ADAMTS3: variants seen among roughly 807,000 people sequenced by gnomAD.
The protein encoded by ADAMTS3 is ADAM metallopeptidase with thrombospondin type 1 motif 3.
In ADAMTS3, 73 loss-of-function variants were observed where a neutral mutation model predicts 129.0. That is an observed-to-expected ratio of 0.57 (90% confidence interval 0.47 to 0.69). ADAMTS3 has a LOEUF of 0.69. Ranked by LOEUF, ADAMTS3 falls within the 30% of genes least tolerant of loss-of-function variation. The probability of loss-of-function intolerance (pLI) is 0.00; values close to 1 mark genes in which losing one functional copy is unlikely to be tolerated. For synonymous variants in ADAMTS3, 477 were observed against 510.8 expected (o/e 0.93, Z 0.89); for missense variants, 1,457 against 1,514.5 (o/e 0.96, Z 0.63).
At chr4:72,336,410 G>C (rs1028250277) in intron 5 of ADAMTS3, among the ~76,000 whole-genome samples, 1 of 152,194 alleles carries the variant, frequency 6.6e-6, no homozygotes, top group African/African-American at 2.4e-5. Context: ...AACATCGTTA[G>C]AGAAAAACTG....
Position 72,339,580 on chromosome 4 carries a change from C to T in ADAMTS3, c.775G>A (p.Glu259Lys), listed in dbSNP as rs1017254734. 13 of 1,613,814 alleles carry T rather than the reference C, an allele frequency of 8.1e-6. No individual in the cohort carries two copies. Among genetic ancestry groups the T allele is most frequent in the Admixed American group, 1.7e-5 (1 of 59,968 alleles). Residue 259 changes from glutamate (E) to lysine (K), a missense_variant, in exon 5 of 22, where the codon GAG becomes AAG. Coordinates refer to ENST00000286657, the MANE Select transcript of ADAMTS3 (RefSeq NM_014243.3). The part of the protein sequence containing the change: ...RHAGENDYNI[E>K]VLLGVDDSVV... ...GAGTCATCCACTCCCAGCAGTACCTCGATATTGTAATCGTTTTCTCCCGCG... is the reference window on the plus strand; with the variant it reads ...GAGTCATCCACTCCCAGCAGTACCTTGATATTGTAATCGTTTTCTCCCGCG...
At chr4:72,564,895 G>C (rs184032240) in intron 2 of ADAMTS3, among the ~76,000 whole-genome samples, 2 of 152,276 alleles carry the variant, frequency 1.3e-5, no homozygotes, top group African/African-American at 4.8e-5. Context: ...GTTACAAAGA[G>C]CATGAAAAAC....
Position 72,414,896 on chromosome 4 carries a change from T to C in ADAMTS3, c.580A>G (p.Lys194Glu). Reference sequence around the variant, plus strand: ...TTGTAGACAACATGAATCCTTCCTTTTTCTTCCTCCATCTGTTTACCTCTT... The same window carrying C: ...TTGTAGACAACATGAATCCTTCCTTCTTCTTCCTCCATCTGTTTACCTCTT... ...LERGKQMEEE[K>E]GRIHVVYKRS... The change falls in exon 4 of 22, where the codon AAA becomes GAA. Residue 194 changes from lysine (K) to glutamate (E), a missense_variant. By Grantham distance (56) the Lys-to-Glu change is moderately conservative. Transcript: ENST00000286657. The C allele has an allele frequency of 6.3e-7, 1 of 1,585,686 alleles. No homozygotes were observed. The highest frequency in any genetic ancestry group is 8.6e-7 in the Non-Finnish European group (1 of 1,167,660).
intron 4 of ADAMTS3, among the ~76,000 whole-genome samples, chr4:72,409,841 A>G (rs1286603283): frequency 3.3e-5 from 5 of 152,204 alleles, no homozygotes. Flanking sequence ...AAAACTAACC[A>G]GACAACAGAT....
chr4:72,480,819 GA>G (rs918808017), intron 3 of ADAMTS3, among the ~76,000 whole-genome samples: 53 of 149,142 alleles, frequency 3.6e-4, no homozygotes, highest in African/African-American at 1.2e-3. Flanking sequence ...AAATCTCAAG[GA>G]ACTCATTAAA....
intron 3 of ADAMTS3, among the ~76,000 whole-genome samples, chr4:72,422,277 T>G (rs1560509892): frequency 6.6e-6 from 1 of 151,990 alleles, no homozygotes; most frequent in Non-Finnish European, 1.5e-5. Context: ...CTCAATTAAT[T>G]GGCATACAAT....
chr4:72,323,156 G>T, intron 5 of ADAMTS3, 59 bp from the exon 6 acceptor site: 6 of 1,327,870 alleles, frequency 4.5e-6, no homozygotes, highest in Non-Finnish European at 6.5e-6. Flanking sequence ...TTCATGAGAT[G>T]TACATATAAG....
chr4:72,485,820 G>A (rs925298867), intron 3 of ADAMTS3, among the ~76,000 whole-genome samples: 3 of 152,180 alleles, frequency 2.0e-5, no homozygotes, highest in African/African-American at 7.2e-5. Context: ...ATAAGGTCAT[G>A]AGGGCTTTGC....
chr4:72,314,579 A>G (rs937809429), intron 11 of ADAMTS3, among the ~76,000 whole-genome samples: 16 of 152,172 alleles, frequency 1.1e-4, no homozygotes, highest in African/African-American at 3.9e-4. Context: ...TTAAAACTCA[A>G]CTTCTATAAA....
chr4:72,512,877 C>T (rs1160736014), intron 3 of ADAMTS3, among the ~76,000 whole-genome samples: 1 of 152,156 alleles, frequency 6.6e-6, no homozygotes, highest in African/African-American at 2.4e-5. Flanking sequence ...GCTTCTCCTC[C>T]TGCTCTCCAA....
chr4:72,313,885 A>T, intron 11 of ADAMTS3, 63 bp from the exon 12 acceptor site: 1 of 1,585,398 alleles, frequency 6.3e-7, no homozygotes, highest in Admixed American at 1.7e-5. Context: ...AAGTTGTTAT[A>T]CAAGAACCAT....
chr4:72,504,494 A>C (rs138060278), intron 3 of ADAMTS3, among the ~76,000 whole-genome samples: 50 of 151,958 alleles, frequency 3.3e-4, no homozygotes, highest in Non-Finnish European at 6.0e-4. Flanking sequence ...GGTTACATTT[A>C]ATTTTTTTTC....
intron 4 of ADAMTS3, among the ~76,000 whole-genome samples, chr4:72,342,710 T>C (rs956475307): frequency 6.6e-6 from 1 of 152,144 alleles, no homozygotes; most frequent in Non-Finnish European, 1.5e-5. Context: ...TTGTGGAATC[T>C]AAGATTGATC....
At chr4:72,348,514 G>T (rs1375926262) in intron 4 of ADAMTS3, among the ~76,000 whole-genome samples, 1 of 151,968 alleles carries the variant, frequency 6.6e-6, no homozygotes, top group Non-Finnish European at 1.5e-5. Flanking sequence ...TTCTAAAATG[G>T]CCCCACTAAG....
intron 17 of ADAMTS3, among the ~76,000 whole-genome samples, chr4:72,299,262 G>T (rs559586042): frequency 1.3e-5 from 2 of 151,990 alleles, no homozygotes; most frequent in African/African-American, 4.8e-5. Context: ...AACTTGCTTG[G>T]TGGGTACAAT....
chr4:72,336,570 G>A (rs1719994444), intron 5 of ADAMTS3, among the ~76,000 whole-genome samples: 1 of 152,224 alleles, frequency 6.6e-6, no homozygotes, highest in South Asian at 2.1e-4. Flanking sequence ...GCTACAACAG[G>A]GCAGAGGGTA....
At chr4:72,289,362 G>T (rs1310070553) in intron 20 of ADAMTS3, among the ~76,000 whole-genome samples, 1 of 152,164 alleles carries the variant, frequency 6.6e-6, no homozygotes. Flanking sequence ...ACAGATAGCA[G>T]AATTTACTGA....
chr4:72,349,043 G>A (rs1054670203), intron 4 of ADAMTS3, among the ~76,000 whole-genome samples: 4 of 151,914 alleles, frequency 2.6e-5, no homozygotes, highest in African/African-American at 7.2e-5. Context: ...ATTGTTTTAA[G>A]CTATTAAATT....
chr4:72,313,645 A>T, intron 12 of ADAMTS3, 32 bp downstream of exon 12: 1 of 1,607,274 alleles, frequency 6.2e-7, no homozygotes, highest in Non-Finnish European at 8.5e-7. Flanking sequence ...TGGTCTCTCC[A>T]AAAATAACAA....
Sources: gnomAD v4.1 joint callset for allele counts (sites outside exome capture counted in the v4.1 genomes callset) on GRCh38, gnomAD v4.1.1 for gene constraint, MANE v1.5 for transcripts, NCBI Gene and HGNC (gene_info 2026-07-23, HGNC 2026-07-21) for gene names.